Variants in SNX32 observed in about 807,000 individuals in gnomAD.
The protein encoded by SNX32 is sorting nexin 32.
A neutral mutation model predicts 57.0 loss-of-function variants in SNX32; 58 were observed. The ratio of observed to expected loss-of-function variants is 1.02; its 90% CI spans 0.82 to 1.27. The LOEUF (loss-of-function observed/expected upper bound fraction) is 1.27. SNX32 is among the 50% of genes most tolerant of loss of function. The pLI is 0.00. For synonymous variants in SNX32, 262 were observed against 220.4 expected (o/e 1.19, Z -1.67); for missense variants, 589 against 541.2 (o/e 1.09, Z -0.88).
intron 1 of SNX32, among the ~76,000 whole-genome samples, chr11:65,845,910 C>G (rs1858979760): frequency 6.6e-6 from 1 of 152,216 alleles, no homozygotes; most frequent in South Asian, 2.1e-4. Flanking sequence ...GTAGAGAGCT[C>G]TCTAAAGAAC....
At chr11:65,841,153 C>A (rs1049079842) in intron 1 of SNX32, among the ~76,000 whole-genome samples, 2 of 151,200 alleles carry the variant, frequency 1.3e-5, no homozygotes, top group Non-Finnish European at 2.9e-5. Context: ...CCATGTTGAC[C>A]AGCCTGGTCC....
intron 1 of SNX32, among the ~76,000 whole-genome samples, chr11:65,848,478 G>A (rs1859063735): frequency 6.6e-6 from 1 of 151,880 alleles, no homozygotes; most frequent in Non-Finnish European, 1.5e-5. Flanking sequence ...GCTAAGGCAG[G>A]AGGATCACTT....
At position 65,852,844 on chromosome 11, in the gene SNX32, A is replaced by C. The variant is rs201321656; in HGVS notation, c.1073-29A>C. 7.4e-6 allele frequency: 12 copies of C among 1,613,458 alleles called. No homozygotes were observed. In the African/African-American group the frequency reaches 1.5e-4, roughly 20 times the overall value. ...GGGCCACATGCCCTGCCCTGCCCGG[A>C]TCCCCATGCCTCTTCCCCTCCTCTC... On this transcript the variant is annotated intron_variant, in intron 11 of 12. Coordinates refer to ENST00000308342, the MANE Select transcript of SNX32 (RefSeq NM_152760.3).
At position 65,853,669 on chromosome 11, in the gene SNX32, C is replaced by T. The variant is rs1311676367; in HGVS notation, c.*334C>T. The T allele has an allele frequency of 1.6e-5, 6 of 368,638 alleles. No individual in the cohort carries two copies. The highest frequency in any genetic ancestry group is 2.5e-5 in the Non-Finnish European group (5 of 199,152). The allele number at this position is 368,638 out of a possible 1,614,324, so 22.8% of individuals were successfully genotyped here. ...AGCTCACTTGATCCCGGCCTGTTCT[C>T]CTTCGCAAATAAAAACCCTGGTTTT... On this transcript the variant is annotated 3_prime_UTR_variant, in exon 13 of 13. Coordinates refer to ENST00000308342, the MANE Select transcript of SNX32 (RefSeq NM_152760.3).
intron 1 of SNX32, among the ~76,000 whole-genome samples, chr11:65,846,640 G>A (rs975402662): frequency 2.6e-5 from 4 of 151,970 alleles, no homozygotes; most frequent in Admixed American, 6.6e-5. Context: ...TTCTGGGGTG[G>A]GAGATAATTG....
chr11:65,850,610 G>C, intron 5 of SNX32, 56 bp downstream of exon 5: 2 of 1,564,512 alleles, frequency 1.3e-6, no homozygotes, highest in Non-Finnish European at 1.7e-6. Context: ...ACCTTGGGTG[G>C]GGAGGCACCC....
rs199744331 is a variant in SNX32 at position 65,835,023 on chromosome 11, TTG to T, written c.36+930_36+931del. Reference sequence around the variant, plus strand: ...TGTGTGTTTCTCTGTGCCTGTGTGTTTGTGTGTGTCTGTGTATCTGTGTGTGT... The same window carrying T: ...TGTGTGTTTCTCTGTGCCTGTGTGTTTGTGTGTCTGTGTATCTGTGTGTGT... On this transcript the variant is annotated intron_variant, in intron 1 of 12. Transcript: ENST00000308342. 1.5e-3 allele frequency among the ~76,000 whole-genome samples: 218 copies of T among 150,296 alleles called. 5 individuals are homozygous for T. The East Asian group carries it at 0.036, about 25-fold the overall frequency.
intron 1 of SNX32, among the ~76,000 whole-genome samples, chr11:65,848,413 A>T (rs921035782): frequency 2.0e-5 from 3 of 151,662 alleles, no homozygotes; most frequent in African/African-American, 7.3e-5. Flanking sequence ...TCTCTAAAAA[A>T]AAAAAAAAAA....
intron 1 of SNX32, among the ~76,000 whole-genome samples, chr11:65,843,521 C>T (rs1263016372): frequency 1.3e-5 from 2 of 150,434 alleles, no homozygotes; most frequent in East Asian, 4.0e-4. Flanking sequence ...GAGCCAAGAT[C>T]GTGCCACTGC....
intron 1 of SNX32, among the ~76,000 whole-genome samples, chr11:65,838,608 A>C (rs2134688432): frequency 6.6e-6 from 1 of 152,350 alleles, no homozygotes; most frequent in Middle Eastern, 3.4e-3. Flanking sequence ...GATTTAAATA[A>C]CATGATTAAT....
chr11:65,840,490 A>G (rs1858811993), intron 1 of SNX32, among the ~76,000 whole-genome samples: 1 of 152,194 alleles, frequency 6.6e-6, no homozygotes, highest in African/African-American at 2.4e-5. Flanking sequence ...TTTAGATTAT[A>G]GGACTGTATA....
intron 1 of SNX32, among the ~76,000 whole-genome samples, chr11:65,835,866 C>T (rs907608262): frequency 1.3e-5 from 2 of 151,964 alleles, no homozygotes; most frequent in Non-Finnish European, 2.9e-5. Context: ...CTGAGAGACA[C>T]AAAGCATGGA....
chr11:65,846,857 C>G (rs1473568168), intron 1 of SNX32, among the ~76,000 whole-genome samples: 1 of 150,564 alleles, frequency 6.6e-6, no homozygotes, highest in East Asian at 2.0e-4. Context: ...GTGGCGGGCG[C>G]CTGTAATCCC....
At chr11:65,839,475 C>T (rs1256084637) in intron 1 of SNX32, among the ~76,000 whole-genome samples, 3 of 146,876 alleles carry the variant, frequency 2.0e-5, no homozygotes, top group South Asian at 2.1e-4. Context: ...GTGATCCGCC[C>T]GCCTCGGCCT....
intron 4 of SNX32, 72 bp from the exon 5 acceptor site, chr11:65,850,359 C>T: frequency 6.2e-7 from 1 of 1,612,636 alleles, no homozygotes; most frequent in Admixed American, 1.7e-5. Context: ...ACCCTGACCT[C>T]TGACCCCAGA....
Position 65,850,584 on chromosome 11 carries a change from C to T in SNX32, c.498+30C>T, listed in dbSNP as rs751914009. ...GCTGGGCCGAATCCCTGGGGTCACC[C>T]TTGGGCCAGGAGTCTACCTTGGGTG... On this transcript the variant is annotated intron_variant, in intron 5 of 12. Coordinates refer to ENST00000308342, the MANE Select transcript of SNX32 (RefSeq NM_152760.3). 3.2e-6 allele frequency: 5 copies of T among 1,583,190 alleles called. No individual in the cohort carries two copies. In the Admixed American group the frequency reaches 7.3e-5, roughly 23 times the overall value.
chr11:65,834,319 G>C (rs550598765), intron 1 of SNX32, among the ~76,000 whole-genome samples: 1 of 151,382 alleles, frequency 6.6e-6, no homozygotes, highest in East Asian at 1.9e-4. Context: ...GTGTGTATCT[G>C]TGTATGTCTG....
At chr11:65,836,610 T>C (rs967226639) in intron 1 of SNX32, among the ~76,000 whole-genome samples, 1 of 152,196 alleles carries the variant, frequency 6.6e-6, no homozygotes, top group Non-Finnish European at 1.5e-5. Flanking sequence ...CACACGTGTT[T>C]GTTGCAGCAC....
At chr11:65,837,835 A>AAAC (rs1382039881) in intron 1 of SNX32, among the ~76,000 whole-genome samples, 1 of 151,002 alleles carries the variant, frequency 6.6e-6, no homozygotes, top group Non-Finnish European at 1.5e-5. Flanking sequence ...AAAAAAAAAA[A>AAAC]AACGAAGAAG....
Sources: gnomAD v4.1 joint callset for allele counts (sites outside exome capture counted in the v4.1 genomes callset) on GRCh38, gnomAD v4.1.1 for gene constraint, MANE v1.5 for transcripts, NCBI Gene and HGNC (gene_info 2026-07-23, HGNC 2026-07-21) for gene names.